WDR4: variants seen among roughly 807,000 people sequenced by gnomAD.
WDR4 encodes the protein tRNA (guanine-N(7)-)-methyltransferase non-catalytic subunit WDR4.
WDR4 carries 47 observed loss-of-function variants against 48.6 expected under a neutral mutation model. The observed-to-expected ratio is 0.97, with a 90% CI of 0.77 to 1.23. The LOEUF is 1.23. Ranked by LOEUF, WDR4 falls within the 50% of genes most tolerant of loss-of-function variation. WDR4 has a pLI of 0.00. For missense variants in WDR4, 606 were observed against 551.6 expected (o/e 1.10, Z -0.99); for synonymous variants, 268 against 230.0 (o/e 1.17, Z -1.49).
At position 42,863,643 on chromosome 21, in the gene WDR4, G is replaced by A. The variant is rs763778895; in HGVS notation, c.297-47C>T. 7 of 1,589,344 alleles carry A rather than the reference G, an allele frequency of 4.4e-6. No homozygotes were observed. The South Asian group carries it at 6.7e-5, about 15-fold the overall frequency. On this transcript the variant is annotated intron_variant, in intron 3 of 10. Transcript: ENST00000398208. ...CCCATTAGCTTCCAGGAGCAGCGCA[G>A]GGTCCTCGACAGCCTGGCAGGCCAC...
intron 11 of WDR4, among the ~76,000 whole-genome samples, chr21:42,843,551 C>T (rs995207778): frequency 6.6e-6 from 1 of 151,502 alleles, no homozygotes; most frequent in African/African-American, 2.4e-5. Flanking sequence ...GCTGGGACTA[C>T]AGGCATGTGC....
At chr21:42,872,132 G>A (rs1004185167) in intron 3 of WDR4, among the ~76,000 whole-genome samples, 4 of 151,986 alleles carry the variant, frequency 2.6e-5, no homozygotes, top group South Asian at 2.1e-4. Flanking sequence ...CTACAGGCAC[G>A]CACCACCATG....
downstream of WDR4, among the ~76,000 whole-genome samples, chr21:42,848,179 T>C (rs111583381): frequency 0.056 from 8,543 of 152,294 alleles, 353 homozygotes; most frequent in Non-Finnish European, 0.088. Context: ...ATCGCCAGCA[T>C]GAACCTGTTC....
the WDR4 span, among the ~76,000 whole-genome samples, chr21:42,885,124 T>G: frequency 6.6e-6 from 1 of 152,148 alleles, no homozygotes; most frequent in Non-Finnish European, 1.5e-5. Context: ...AACTGTTATA[T>G]TCTACTGTCA....
chr21:42,867,097 A>T (rs2058263008), intron 3 of WDR4, among the ~76,000 whole-genome samples: 1 of 152,226 alleles, frequency 6.6e-6, no homozygotes, highest in Non-Finnish European at 1.5e-5. Context: ...ATCACTTTCA[A>T]AACCAAGAGC....
intron 10 of WDR4, among the ~76,000 whole-genome samples, chr21:42,850,463 A>G (rs180819130): frequency 1.1e-3 from 174 of 152,298 alleles, no homozygotes; most frequent in Middle Eastern, 6.8e-3. Flanking sequence ...GGCAAAGATG[A>G]AAGAATGTAA....
At chr21:42,889,779 G>A in the WDR4 span, among the ~76,000 whole-genome samples, 634 of 152,186 alleles carry the variant, frequency 4.2e-3, 3 homozygotes, top group Non-Finnish European at 7.2e-3. Flanking sequence ...AAGGAGTTTC[G>A]TTCTGCTGCC....
rs1271755786 is a variant in WDR4 at position 42,854,546 on chromosome 21, T to G, written c.791+16A>C. 2 of 1,611,008 alleles carry G rather than the reference T, an allele frequency of 1.2e-6. No homozygotes were observed. Among genetic ancestry groups the G allele is most frequent in the Non-Finnish European group, 8.5e-7 (1 of 1,178,926 alleles). ...TCTGCAGAACCGGAGGCCATAGAGG[T>G]GCCGCCGCAGCTTACCCGTCGCACA... On this transcript the variant is annotated intron_variant, in intron 8 of 10. Coordinates refer to ENST00000398208, the MANE Select transcript of WDR4 (RefSeq NM_018669.6).
intron 2 of WDR4, among the ~76,000 whole-genome samples, chr21:42,874,509 C>T (rs1016547338): frequency 1.4e-4 from 22 of 152,300 alleles, no homozygotes; most frequent in Non-Finnish European, 2.8e-4. Context: ...CGGAACAGAG[C>T]CATATTTCTC....
intron 3 of WDR4, among the ~76,000 whole-genome samples, chr21:42,869,386 C>T (rs1408858518): frequency 6.6e-6 from 1 of 152,142 alleles, no homozygotes; most frequent in Non-Finnish European, 1.5e-5. Flanking sequence ...GTCTGAGATC[C>T]GTGTACACAT....
chr21:42,874,484 C>T (rs551499826), intron 2 of WDR4, among the ~76,000 whole-genome samples: 2 of 152,274 alleles, frequency 1.3e-5, no homozygotes, highest in East Asian at 3.9e-4. Context: ...AAACTCTGAC[C>T]GCTGGTGAGC....
upstream of WDR4, among the ~76,000 whole-genome samples, chr21:42,884,414 C>A (rs369556285): frequency 2.0e-5 from 3 of 151,768 alleles, no homozygotes; most frequent in African/African-American, 4.8e-5. Context: ...TTTGGGAGGC[C>A]GAGGTGGGTG....
rs6586251 is a variant in WDR4 at position 42,850,292 on chromosome 21, C to G, written c.1046-50G>C. 0.38 allele frequency: 580,875 copies of G among 1,512,098 alleles called. 117,105 individuals are homozygous for G. The highest frequency in any genetic ancestry group is 0.63 in the African/African-American group (44,911 of 71,350). 93.7% of individuals were successfully genotyped at this position (1,512,098 alleles called of 1,614,324 possible). A position where few individuals can be genotyped will look rare whatever the true frequency, so the allele number is the denominator to read the frequency against. On this transcript the variant is annotated intron_variant, in intron 10 of 10. Coordinates refer to ENST00000398208, the MANE Select transcript of WDR4 (RefSeq NM_018669.6). ...TGCCAGGTGGGGCAGGAACATGGGA[C>G]TCGGCCACCACAGCGGGCCCCCTGC... is the stretch of plus-strand genomic sequence containing the variant.
At chr21:42,852,347 C>G (rs935729392) in intron 9 of WDR4, 23 bp from the exon 10 acceptor site, 13 of 1,612,836 alleles carry the variant, frequency 8.1e-6, no homozygotes, top group Non-Finnish European at 9.3e-6. Flanking sequence ...AACAGGAAAT[C>G]TTCATCAGAA....
intron 3 of WDR4, among the ~76,000 whole-genome samples, chr21:42,872,980 TC>T (rs1473431580): frequency 6.6e-6 from 1 of 152,142 alleles, no homozygotes; most frequent in Admixed American, 6.6e-5. Context: ...GAAGAACCTT[TC>T]CGGACTTTGC....
intron 3 of WDR4, among the ~76,000 whole-genome samples, chr21:42,867,602 G>A (rs895535344): frequency 5.3e-5 from 8 of 152,096 alleles, no homozygotes; most frequent in Non-Finnish European, 1.0e-4. Context: ...TCCAAAATCC[G>A]AAACATTCCA....
intron 3 of WDR4, among the ~76,000 whole-genome samples, chr21:42,868,405 G>A (rs1335384377): frequency 1.3e-5 from 2 of 152,144 alleles, no homozygotes; most frequent in Non-Finnish European, 2.9e-5. Context: ...CCGCAGCACT[G>A]TCCAGACTTG....
intron 3 of WDR4, among the ~76,000 whole-genome samples, chr21:42,867,172 C>T (rs760448796): frequency 1.3e-5 from 2 of 152,170 alleles, no homozygotes; most frequent in Admixed American, 1.3e-4. Flanking sequence ...GGGCAGATCA[C>T]CTGAGGTCAG....
downstream of WDR4, among the ~76,000 whole-genome samples, chr21:42,845,725 G>T (rs2057705376): frequency 6.6e-6 from 1 of 152,232 alleles, no homozygotes; most frequent in Non-Finnish European, 1.5e-5. Flanking sequence ...TCCACGCTGG[G>T]GTCGGGGTCT....
Sources: allele counts gnomAD v4.1 joint callset (sites outside exome capture counted in the v4.1 genomes callset), GRCh38; gene constraint gnomAD v4.1.1; transcripts MANE v1.5; gene names NCBI Gene and HGNC (gene_info 2026-07-23, HGNC 2026-07-21).